Variants in DNASE1 observed in about 807,000 individuals in gnomAD.
DNASE1 encodes the protein deoxyribonuclease-1.
Under a neutral mutation model 33.9 loss-of-function variants are expected in DNASE1, and 40 were observed. That is an observed-to-expected ratio of 1.18 (90% CI 0.92 to 1.54). The LOEUF (loss-of-function observed/expected upper bound fraction) is 1.54, where lower values mean the gene tolerates loss of function less well. Ranked by LOEUF, DNASE1 falls within the 40% of genes most tolerant of loss-of-function variation. The probability of loss-of-function intolerance (pLI) is 0.00; values close to 1 mark genes in which losing one functional copy is unlikely to be tolerated. For missense variants in DNASE1, 518 were observed against 372.6 expected (o/e 1.39, Z -3.21); for synonymous variants, 216 against 160.0 (o/e 1.35, Z -2.64).
chr16:3,656,884 C>A, intron 5 of DNASE1, 115 bp from the exon 6 acceptor site: 1 of 1,544,932 alleles, frequency 6.5e-7, no homozygotes, highest in South Asian at 1.2e-5. Flanking sequence ...CCATTCAAGT[C>A]ATTTGGAAAA....
In DNASE1 at chr16:3,657,834, C is replaced by T; in HGVS notation, c.801+18C>T. 6.2e-7 allele frequency: 1 copy of T among 1,613,964 alleles called. No individual in the cohort carries two copies. On this transcript the variant is annotated intron_variant, in intron 8 of 8. Coordinates refer to ENST00000246949, the MANE Select transcript of DNASE1 (RefSeq NM_005223.4). The stretch of plus-strand genomic sequence containing the variant: ...ACCAACTGGTATGTGTCCTCCCTTG[C>T]ACAGCCACATGAGGATGGGACACAG...
intron 1 of DNASE1, among the ~76,000 whole-genome samples, chr16:3,625,175 G>A (rs1259751012): frequency 3.3e-5 from 5 of 152,208 alleles, no homozygotes; most frequent in African/African-American, 1.2e-4. Flanking sequence ...GTGTGGTGGT[G>A]CATGCCTGTA....
chr16:3,633,935 A>C (rs1416186460), intron 1 of DNASE1, among the ~76,000 whole-genome samples: 1 of 151,806 alleles, frequency 6.6e-6, no homozygotes, highest in African/African-American at 2.4e-5. Flanking sequence ...CAGCCTCCCA[A>C]GTAGCTGGGG....
At chr16:3,618,066 C>T (rs1360968471) in intron 1 of DNASE1, among the ~76,000 whole-genome samples, 4 of 147,498 alleles carry the variant, frequency 2.7e-5, no homozygotes, top group African/African-American at 1.0e-4. Flanking sequence ...TAGAACTTGT[C>T]CTGTGAAGAA....
chr16:3,656,685 G>A lies in DNASE1; in HGVS notation c.368G>A (p.Cys123Tyr). Residue 123 changes from cysteine (C) to tyrosine (Y), a missense_variant, in exon 5 of 9, where the codon TGC becomes TAC. By Grantham distance (194) the Cys-to-Tyr change is radical. Transcript: ENST00000246949. The stretch of plus-strand genomic sequence containing the variant: ...GACAGCTACTACTACGATGATGGCT[G>A]CGAGCCCTGCGGGAACGACACCTTC... ...AVDSYYYDDG[C>Y]EPCGNDTFNR... 1 of 1,613,384 alleles carries A rather than the reference G, an allele frequency of 6.2e-7. No individual in the cohort carries two copies. Among genetic ancestry groups the A allele is most frequent in the South Asian group, 1.1e-5 (1 of 90,920 alleles).
intron 1 of DNASE1, among the ~76,000 whole-genome samples, chr16:3,624,508 G>T (rs1291147471): frequency 1.3e-5 from 2 of 152,152 alleles, no homozygotes; most frequent in African/African-American, 2.4e-5. Flanking sequence ...GTTCACAGTG[G>T]CTGAAGCTGT....
chr16:3,642,076 A>T (rs891696780), upstream of DNASE1, among the ~76,000 whole-genome samples: 8 of 152,290 alleles, frequency 5.3e-5, no homozygotes, highest in South Asian at 1.7e-3. Context: ...ACTAGTGCAG[A>T]CTAGCACAGA....
chr16:3,619,343 A>T (rs2041221695), intron 1 of DNASE1, among the ~76,000 whole-genome samples: 1 of 131,004 alleles, frequency 7.6e-6, no homozygotes, highest in Non-Finnish European at 1.6e-5. Context: ...GCCTGTGGGT[A>T]ATTTTCTTTC....
Position 3,657,253 on chromosome 16 carries a change from A to G in DNASE1, c.616A>G (p.Ile206Val). ...SYVRPSQWSS[I>V]RLWTSPTFQW... ...TGTGAGACCCTCCCAGTGGTCATCCATCCGCCTGTGGACAAGCCCCACCTT... is the reference window on the plus strand; with the variant it reads ...TGTGAGACCCTCCCAGTGGTCATCCGTCCGCCTGTGGACAAGCCCCACCTT... Residue 206 changes from isoleucine to valine, a missense_variant, in exon 7 of 9, where the codon ATC becomes GTC. Transcript: ENST00000246949. 1 of 1,613,984 alleles carries G rather than the reference A, an allele frequency of 6.2e-7. No individual in the cohort carries two copies. Among genetic ancestry groups the G allele is most frequent in the Middle Eastern group, 1.6e-4 (1 of 6,062 alleles).
At chr16:3,645,331 T>G (rs2042141331) in intron 1 of DNASE1, among the ~76,000 whole-genome samples, 1 of 152,052 alleles carries the variant, frequency 6.6e-6, no homozygotes, top group Non-Finnish European at 1.5e-5. Context: ...GGCTTCGGAA[T>G]TGGGGGATTA....
At position 3,656,714 on chromosome 16, in the gene DNASE1, C is replaced by T. The variant is rs745357597; in HGVS notation, c.397C>T (p.Arg133Ter). The part of the protein sequence containing the change: ...CEPCGNDTFN[R>*]EPAIVRFFSR... ...GCCCTGCGGGAACGACACCTTCAAC[C>T]GAGAGCCAGCCATTGTCAGGTTCTT... Residue 133 changes from arginine to a stop codon, truncating the protein, a stop_gained, in exon 5 of 9, where the codon CGA becomes TGA. Coordinates refer to ENST00000246949, the MANE Select transcript of DNASE1 (RefSeq NM_005223.4). LOFTEE classifies it high-confidence loss of function. The T allele has an allele frequency of 1.6e-4, 263 of 1,612,560 alleles. No homozygotes were observed. The South Asian group carries it at 1.9e-3, about 11-fold the overall frequency.
chr16:3,617,196 TGCGCCCGTAATCCCA>T (rs2041133988), intron 1 of DNASE1, among the ~76,000 whole-genome samples: 1 of 151,192 alleles, frequency 6.6e-6, no homozygotes, highest in Non-Finnish European at 1.5e-5. Flanking sequence ...CGTGGTGGTG[TGCGCCCGTAATCCCA>T]GCTACTCGGG....
chr16:3,649,456 GAT>G (rs1284350486), intron 1 of DNASE1, among the ~76,000 whole-genome samples: 1 of 152,196 alleles, frequency 6.6e-6, no homozygotes, highest in African/African-American at 2.4e-5. Context: ...GAAACACAGT[GAT>G]ATGTTTAATC....
At chr16:3,657,400 C>T (rs2042742480) in intron 7 of DNASE1, 59 bp downstream of exon 7, 2 of 1,596,292 alleles carry the variant, frequency 1.3e-6, no homozygotes, top group African/African-American at 2.7e-5. Flanking sequence ...AGCCGTGACT[C>T]ATAGGTCGGG....
At chr16:3,619,633 T>G (rs532425864) in intron 1 of DNASE1, among the ~76,000 whole-genome samples, 35 of 152,182 alleles carry the variant, frequency 2.3e-4, no homozygotes, top group Admixed American at 1.9e-3. Flanking sequence ...AGTGCTGGGA[T>G]TACAGGCATG....
rs757793532 is a variant in DNASE1, at chr16:3,656,769, G to A, written c.436+16G>A. The A allele has an allele frequency of 1.1e-5, 18 of 1,592,854 alleles. No homozygotes were observed. The highest frequency in any genetic ancestry group is 1.5e-5 in the Non-Finnish European group (18 of 1,169,928). On this transcript the variant is annotated intron_variant, in intron 5 of 8. Transcript: ENST00000246949. ...CGGTTCACAGGTGGGTGCTGCCTGG[G>A]CCAGGGTGGGGCTCGGCTTGGCGCT...
At position 3,647,962 on chromosome 16, in the gene DNASE1, G is replaced by A. The variant is rs1272610111; in HGVS notation, c.-86+4926G>A. Among the ~76,000 whole-genome samples, 5 of 152,114 alleles carry A rather than the reference G, an allele frequency of 3.3e-5. No homozygotes were observed. The East Asian group carries it at 7.8e-4, about 24-fold the overall frequency. On this transcript the variant is annotated intron_variant, in intron 1 of 9. Coordinates refer to the DNASE1 transcript ENST00000407479. The stretch of plus-strand genomic sequence containing the variant: ...GCGGGCGGATCACTTGAGGCCAGGA[G>A]TTTGGGACCAGCCTGGCCAACATGG...
exon 10 of DNASE1, chr16:3,664,605 T>C (rs1439153794): frequency 1.7e-5 from 14 of 841,494 alleles, no homozygotes; most frequent in Middle Eastern, 3.3e-4. Flanking sequence ...GACTCGGGGG[T>C]TGTCCGAGAG....
chr16:3,629,021 C>G (rs1358583770), intron 1 of DNASE1, among the ~76,000 whole-genome samples: 4 of 149,970 alleles, frequency 2.7e-5, no homozygotes, highest in Non-Finnish European at 5.9e-5. Context: ...AAAATACAAA[C>G]ATTTGCCGGG....
Sources: gnomAD v4.1 joint callset for allele counts (sites outside exome capture counted in the v4.1 genomes callset) on GRCh38, gnomAD v4.1.1 for gene constraint, MANE v1.5 for transcripts, NCBI Gene and HGNC (gene_info 2026-07-23, HGNC 2026-07-21) for gene names.